ATP8A1: variants seen among roughly 807,000 people sequenced by gnomAD.
ATP8A1 encodes the protein phospholipid-transporting ATPase IA.
ATP8A1 carries 90 observed loss-of-function variants against 177.7 expected under a neutral mutation model. That is an observed-to-expected ratio of 0.51 (90% CI 0.43 to 0.60). The LOEUF (loss-of-function observed/expected upper bound fraction) is 0.60. ATP8A1 is among the 20% of genes least tolerant of loss of function. The probability of loss-of-function intolerance (pLI) is 0.00; values close to 1 mark genes in which losing one functional copy is unlikely to be tolerated. For synonymous variants in ATP8A1, 493 were observed against 485.9 expected, an observed-to-expected ratio of 1.01 and a Z score of -0.19; for missense variants, 1,072 against 1,392.8, an observed-to-expected ratio of 0.77 and a Z score of 3.67.
chr4:42,532,045 T>C (rs1727314067), intron 20 of ATP8A1, among the ~76,000 whole-genome samples: 1 of 152,040 alleles, frequency 6.6e-6, no homozygotes, highest in South Asian at 2.1e-4. Context: ...AAGGCTGCAG[T>C]GAGCCATGAT....
At chr4:42,525,142 C>G (rs981729670) in intron 20 of ATP8A1, among the ~76,000 whole-genome samples, 5 of 152,292 alleles carry the variant, frequency 3.3e-5, no homozygotes, top group African/African-American at 9.6e-5. Flanking sequence ...CTACCCTAAC[C>G]CAGAAGGTTT....
At chr4:42,648,324 CA>C (rs1244400236) in intron 1 of ATP8A1, among the ~76,000 whole-genome samples, 2 of 148,938 alleles carry the variant, frequency 1.3e-5, no homozygotes, top group Middle Eastern at 3.4e-3. Flanking sequence ...AATTTGATAC[CA>C]GGGGCTAAAA....
chr4:42,485,618 G>C lies in ATP8A1; in HGVS notation c.2202C>G (p.Leu734=). The change falls in exon 25 of 37, where the codon CTC becomes CTG. Residue 734 remains leucine, a synonymous_variant. Transcript: ENST00000381668. ...TAAGAGCAAAATCATTCTCTTTCCG[G>C]AGAGCATCACCAAGGGTAGTACAGT... ...SRHCTTLGDA[L]RKENDFALII... 6.2e-7 allele frequency: 1 copy of C among 1,613,746 alleles called. No homozygotes were observed. Among genetic ancestry groups the C allele is most frequent in the Non-Finnish European group, 8.5e-7 (1 of 1,179,776 alleles).
intron 14 of ATP8A1, among the ~76,000 whole-genome samples, chr4:42,569,943 ATTT>A (rs916908879): frequency 2.0e-5 from 3 of 152,278 alleles, no homozygotes; most frequent in Non-Finnish European, 2.9e-5. Context: ...GACAGACCAG[ATTT>A]TTTTATTTTC....
At chr4:42,574,925 T>C (rs566556136) in intron 13 of ATP8A1, among the ~76,000 whole-genome samples, 9 of 152,212 alleles carry the variant, frequency 5.9e-5, no homozygotes, top group Non-Finnish European at 1.2e-4. Context: ...ATCACCATAC[T>C]AGAAAACTAT....
rs528030535 is a variant in ATP8A1 at position 42,537,215 on chromosome 4, G to T, written c.1722+6702C>A. Among the ~76,000 whole-genome samples, 3 of 150,646 alleles carry T rather than the reference G, an allele frequency of 2.0e-5. No homozygotes were observed. The East Asian group carries it at 5.8e-4, about 29-fold the overall frequency. The stretch of plus-strand genomic sequence containing the variant: ...CAGAAAAGGCATTTGACAAAACCCA[G>T]CATCCCTTTATGATTAAAACCCTCA... On this transcript the variant is annotated intron_variant, in intron 20 of 36. Transcript: ENST00000381668.
chr4:42,554,594 C>T (rs1424421150), intron 16 of ATP8A1, among the ~76,000 whole-genome samples: 3 of 152,134 alleles, frequency 2.0e-5, no homozygotes, highest in South Asian at 2.1e-4. Context: ...AGAGAAGATG[C>T]ATATTTGAGG....
chr4:42,540,379 C>G (rs1728262250), intron 20 of ATP8A1, among the ~76,000 whole-genome samples: 1 of 151,728 alleles, frequency 6.6e-6, no homozygotes, highest in Non-Finnish European at 1.5e-5. Flanking sequence ...AGAGAGTTCT[C>G]AAAGAAACTA....
At chr4:42,555,859 A>T (rs1203091744) in intron 16 of ATP8A1, 109 bp downstream of exon 16, 2 of 607,846 alleles carry the variant, frequency 3.3e-6, no homozygotes, top group East Asian at 3.4e-5. Flanking sequence ...AATAAATAAA[A>T]GATCATGAAA....
intron 6 of ATP8A1, among the ~76,000 whole-genome samples, chr4:42,592,441 C>T (rs1193765150): frequency 6.6e-6 from 1 of 152,010 alleles, no homozygotes; most frequent in Non-Finnish European, 1.5e-5. Context: ...AATACAAATT[C>T]AGGGCAGTAT....
intron 33 of ATP8A1, 69 bp from the exon 34 acceptor site, chr4:42,423,774 G>C (rs1714272347): frequency 2.0e-6 from 2 of 1,016,206 alleles, no homozygotes; most frequent in African/African-American, 3.2e-5. Flanking sequence ...TAGTTTTTAT[G>C]TATTTTTAAG....
intron 12 of ATP8A1, among the ~76,000 whole-genome samples, chr4:42,577,253 C>T (rs1732558892): frequency 6.6e-6 from 1 of 152,174 alleles, no homozygotes; most frequent in Non-Finnish European, 1.5e-5. Flanking sequence ...TAAGAAACTT[C>T]AATAAGTCTT....
chr4:42,574,984 T>C (rs1039001237), intron 13 of ATP8A1, among the ~76,000 whole-genome samples: 8 of 152,338 alleles, frequency 5.3e-5, no homozygotes, highest in African/African-American at 1.9e-4. Flanking sequence ...AAAGTGCCAC[T>C]ACCACTACTT....
At chr4:42,647,267 C>T (rs1740631953) in intron 1 of ATP8A1, among the ~76,000 whole-genome samples, 2 of 152,138 alleles carry the variant, frequency 1.3e-5, no homozygotes, top group Non-Finnish European at 2.9e-5. Context: ...GTTTCCATCA[C>T]AAAATTTTAT....
chr4:42,622,366 A>G (rs1737562381), intron 4 of ATP8A1, among the ~76,000 whole-genome samples: 1 of 151,956 alleles, frequency 6.6e-6, no homozygotes, highest in Admixed American at 6.6e-5. Flanking sequence ...TGGGCAACAG[A>G]GTGATAATCC....
intron 16 of ATP8A1, among the ~76,000 whole-genome samples, chr4:42,554,670 G>C (rs926795216): frequency 6.6e-6 from 1 of 152,144 alleles, no homozygotes; most frequent in African/African-American, 2.4e-5. Context: ...AAGTTCCGGG[G>C]TTTAACTCCA....
chr4:42,444,654 T>C lies in ATP8A1; in HGVS notation c.2959-20A>G, dbSNP rs888720121. On this transcript the variant is annotated intron_variant, in intron 31 of 36. Coordinates refer to ENST00000381668, the MANE Select transcript of ATP8A1 (RefSeq NM_006095.2). ...CACAAACTAAAACAGAAGGGGAAAA[T>C]GTTATTTTACCTCATAAACATGAAA... 1.2e-6 allele frequency: 2 copies of C among 1,611,394 alleles called. No homozygotes were observed. Among genetic ancestry groups the C allele is most frequent in the Non-Finnish European group, 1.7e-6 (2 of 1,177,970 alleles).
chr4:42,600,200 A>G (rs1735102533), intron 6 of ATP8A1, among the ~76,000 whole-genome samples: 1 of 152,328 alleles, frequency 6.6e-6, no homozygotes, highest in African/African-American at 2.4e-5. Context: ...TTACAACACA[A>G]AACAGTTCAT....
Position 42,459,523 on chromosome 4 carries a change from T to C in ATP8A1, c.2620-3924A>G, listed in dbSNP as rs1038556524. 24 of 355,614 alleles carry C rather than the reference T, an allele frequency of 6.7e-5. No homozygotes were observed. The East Asian group carries it at 1.6e-3, about 24-fold the overall frequency. 22.0% of individuals were successfully genotyped at this position (355,614 alleles called of 1,614,324 possible). ...CTGTATAAATTGTTATTTGCTTGAA[T>C]GTCAGTGTTCTGGAATGAGAAGAAC... On this transcript the variant is annotated intron_variant, in intron 27 of 36. Coordinates refer to ENST00000381668, the MANE Select transcript of ATP8A1 (RefSeq NM_006095.2).
Sources: gnomAD v4.1 joint callset for allele counts (sites outside exome capture counted in the v4.1 genomes callset) on GRCh38, gnomAD v4.1.1 for gene constraint, MANE v1.5 for transcripts, NCBI Gene and HGNC (gene_info 2026-07-23, HGNC 2026-07-21) for gene names.